The following AMOTL1 variants were observed in gnomAD, a reference collection of about 807,000 sequenced individuals.
AMOTL1 encodes angiomotin-like protein 1.
In AMOTL1, 45 loss-of-function variants were observed where a neutral mutation model predicts 102.9. The observed-to-expected ratio is 0.44, with a 90% CI of 0.34 to 0.56. The LOEUF is 0.56. AMOTL1 is among the 20% of genes least tolerant of loss of function. The pLI, the probability that AMOTL1 is intolerant of heterozygous loss-of-function variation, is 0.01. For missense variants in AMOTL1, 1,114 were observed against 1,225.6 expected, an observed-to-expected ratio of 0.91 and a Z score of 1.36; for synonymous variants, 481 against 484.7, an observed-to-expected ratio of 0.99 and a Z score of 0.10.
chr11:94,789,393 A>G (rs1382131944), intron 1 of AMOTL1, among the ~76,000 whole-genome samples: 2 of 152,200 alleles, frequency 1.3e-5, no homozygotes, highest in African/African-American at 4.8e-5. Flanking sequence ...TCCTGACCTC[A>G]AGTAATCCAC....
chr11:94,849,548 T>A (rs1024812344), intron 6 of AMOTL1, among the ~76,000 whole-genome samples: 1 of 152,102 alleles, frequency 6.6e-6, no homozygotes, highest in African/African-American at 2.4e-5. Flanking sequence ...TAAAGCCTTG[T>A]CCCTTTCCCC....
At chr11:94,826,244 G>A (rs1951961566) in intron 4 of AMOTL1, among the ~76,000 whole-genome samples, 2 of 152,190 alleles carry the variant, frequency 1.3e-5, no homozygotes, top group African/African-American at 4.8e-5. Flanking sequence ...AGTGAGCCAA[G>A]ATTGTGTCAC....
chr11:94,869,896 G>A (rs73520310), intron 12 of AMOTL1, among the ~76,000 whole-genome samples: 9,154 of 152,238 alleles, frequency 0.06, 499 homozygotes, highest in African/African-American at 0.14. Flanking sequence ...ACATTGTGAT[G>A]GAAGGAGAAG....
At chr11:94,840,681 T>TATACACAC (rs1166713705) in intron 6 of AMOTL1, among the ~76,000 whole-genome samples, 3 of 104,786 alleles carry the variant, frequency 2.9e-5, no homozygotes, top group South Asian at 3.4e-4. Context: ...TATATATATA[T>TATACACAC]ACACACACAC....
chr11:94,838,995 C>T (rs531187397), intron 6 of AMOTL1, among the ~76,000 whole-genome samples: 6 of 152,290 alleles, frequency 3.9e-5, no homozygotes, highest in Admixed American at 2.6e-4. Context: ...CATAAGGATC[C>T]TACTGTGAAA....
intron 1 of AMOTL1, among the ~76,000 whole-genome samples, chr11:94,770,699 A>G (rs754762283): frequency 6.6e-6 from 1 of 152,210 alleles, no homozygotes. Flanking sequence ...GCATGTGGAG[A>G]TCAAAGCATT....
intron 3 of AMOTL1, among the ~76,000 whole-genome samples, chr11:94,805,205 T>G (rs557841010): frequency 9.2e-5 from 14 of 152,214 alleles, no homozygotes; most frequent in Non-Finnish European, 1.8e-4. Flanking sequence ...ATATATCACA[T>G]GTGATGTCCA....
At chr11:94,750,024 C>T (rs1387533749) in intron 3 of AMOTL1, among the ~76,000 whole-genome samples, 2 of 152,220 alleles carry the variant, frequency 1.3e-5, no homozygotes, top group Admixed American at 6.5e-5. Flanking sequence ...GATTCACCTA[C>T]TGTGTCAGGC....
Position 94,866,138 on chromosome 11 carries a change from A to T in AMOTL1, c.2458A>T (p.Lys820Ter). 6.2e-7 allele frequency: 1 copy of T among 1,614,000 alleles called. No individual in the cohort carries two copies. The highest frequency in any genetic ancestry group is 2.2e-5 in the East Asian group (1 of 44,870). ...CAGCAGCCAGCTGGCTGAGGAAAAG[A>T]AGGAAGAGAAGACCTGGAAGGGGAG... is the stretch of plus-strand genomic sequence containing the variant. The part of the protein sequence containing the change: ...LTSSQLAEEK[K>*]EEKTWKGSIG... The change falls in exon 11 of 13, where the codon AAG becomes TAG. Residue 820 changes from lysine to a stop codon, truncating the protein, a stop_gained. Transcript: ENST00000433060. LOFTEE classifies it high-confidence loss of function.
intron 2 of AMOTL1, chr11:94,797,133 G>A (rs547072336): frequency 7.6e-5 from 39 of 513,034 alleles, no homozygotes; most frequent in Middle Eastern, 9.4e-4. Context: ...ATGATGTGCC[G>A]TATGTACACA....
chr11:94,745,165 C>T (rs1454965702), intron 3 of AMOTL1, among the ~76,000 whole-genome samples: 2 of 151,920 alleles, frequency 1.3e-5, no homozygotes, highest in East Asian at 1.9e-4. Context: ...CCCATTAACT[C>T]GTCATTTACA....
At chr11:94,767,351 A>T (rs1438750368), upstream of AMOTL1, among the ~76,000 whole-genome samples, 2 of 152,198 alleles carry the variant, frequency 1.3e-5, no homozygotes, top group Non-Finnish European at 2.9e-5. Flanking sequence ...GGGAATCAGA[A>T]TCAGGACATG....
chr11:94,732,265 T>A (rs1950365947), intron 2 of AMOTL1, among the ~76,000 whole-genome samples: 1 of 152,184 alleles, frequency 6.6e-6, no homozygotes. Flanking sequence ...GGAGTCTCTG[T>A]CATCCTGTTG....
At chr11:94,761,193 C>CTTTTTTTTTTTT (rs57096553) in intron 3 of AMOTL1, among the ~76,000 whole-genome samples, 1 of 137,000 alleles carries the variant, frequency 7.3e-6, no homozygotes, top group Non-Finnish European at 1.6e-5. Context: ...TTTTTCTTTT[C>CTTTTTTTTTTTT]TTTTTTTTTT....
intron 1 of AMOTL1, among the ~76,000 whole-genome samples, chr11:94,791,815 T>C (rs571238086): frequency 6.6e-6 from 1 of 152,378 alleles, no homozygotes; most frequent in Admixed American, 6.5e-5. Context: ...TCAGATATCC[T>C]TGACCTTGTC....
chr11:94,816,831 T>A (rs1415472866), intron 3 of AMOTL1, among the ~76,000 whole-genome samples: 1 of 152,088 alleles, frequency 6.6e-6, no homozygotes, highest in Admixed American at 6.6e-5. Flanking sequence ...GGGCCAGAAA[T>A]TAAAACTATC....
At chr11:94,813,359 A>G (rs756986581) in intron 3 of AMOTL1, among the ~76,000 whole-genome samples, 1 of 152,186 alleles carries the variant, frequency 6.6e-6, no homozygotes, top group Non-Finnish European at 1.5e-5. Flanking sequence ...TGGGCTCAGG[A>G]TGTGTTTCCC....
chr11:94,721,721 T>C (rs1236165854), intron 1 of AMOTL1, among the ~76,000 whole-genome samples: 2 of 152,178 alleles, frequency 1.3e-5, no homozygotes, highest in Admixed American at 1.3e-4. Context: ...ATAATTGTTA[T>C]TGAAACCACC....
intron 1 of AMOTL1, among the ~76,000 whole-genome samples, chr11:94,783,073 G>A (rs1204162636): frequency 6.6e-6 from 1 of 152,046 alleles, no homozygotes; most frequent in Non-Finnish European, 1.5e-5. Context: ...AGTATAAAAG[G>A]ATCCTAAAAC....
Sources: gnomAD v4.1 joint callset for allele counts (sites outside exome capture counted in the v4.1 genomes callset) on GRCh38, gnomAD v4.1.1 for gene constraint, MANE v1.5 for transcripts, NCBI Gene and HGNC (gene_info 2026-07-23, HGNC 2026-07-21) for gene names.